Variants in CNTN4 observed in about 807,000 individuals in gnomAD.
The protein encoded by CNTN4 is contactin-4.
In CNTN4, 77 loss-of-function variants were observed where a neutral mutation model predicts 122.5. That is an observed-to-expected ratio of 0.63 (90% CI 0.52 to 0.76). CNTN4 has a LOEUF of 0.76. CNTN4 is among the 30% of genes least tolerant of loss of function. The probability of loss-of-function intolerance (pLI) is 0.00; values close to 1 mark genes in which losing one functional copy is unlikely to be tolerated. For missense variants in CNTN4, 1,256 were observed against 1,259.1 expected (o/e 1.00, Z 0.04); for synonymous variants, 512 against 447.0 (o/e 1.15, Z -1.83).
chr3:2,170,167 A>T (rs1329103319), intron 2 of CNTN4, among the ~76,000 whole-genome samples: 3 of 144,320 alleles, frequency 2.1e-5, no homozygotes, highest in South Asian at 2.1e-4. Flanking sequence ...TAAAAATACA[A>T]AAAATTAGCC....
intron 7 of CNTN4, among the ~76,000 whole-genome samples, chr3:2,837,635 C>T (rs2093257706): frequency 6.6e-6 from 1 of 152,200 alleles, no homozygotes; most frequent in Non-Finnish European, 1.5e-5. Context: ...AGGGGGAGTG[C>T]ATTATGCTAA....
chr3:2,699,393 T>G (rs950213289), intron 4 of CNTN4, among the ~76,000 whole-genome samples: 2 of 152,236 alleles, frequency 1.3e-5, no homozygotes, highest in Non-Finnish European at 2.9e-5. Flanking sequence ...AGACTAGATC[T>G]GTGCCCCCGA....
intron 13 of CNTN4, among the ~76,000 whole-genome samples, chr3:2,981,199 CTT>C (rs1559748161): frequency 6.6e-6 from 1 of 152,110 alleles, no homozygotes; most frequent in African/African-American, 2.4e-5. Flanking sequence ...AGTACCAGCA[CTT>C]TGGCAGGCCG....
intron 7 of CNTN4, among the ~76,000 whole-genome samples, chr3:2,825,308 C>T (rs1247881189): frequency 2.0e-5 from 3 of 152,092 alleles, no homozygotes; most frequent in Non-Finnish European, 2.9e-5. Flanking sequence ...TCACTGCAAC[C>T]TCCGCCTCCC....
chr3:2,184,274 A>G lies in CNTN4; in HGVS notation c.-145+83635A>G, dbSNP rs1445055486. ...GGTTGGAATTTTACAGGAGTGAGCC[A>G]CCACACCAGCCTGAAATTTTCATTA... On this transcript the variant is annotated intron_variant, in intron 2 of 24. Coordinates refer to ENST00000418658, the MANE Select transcript of CNTN4 (RefSeq NM_175607.3). Among the ~76,000 whole-genome samples the G allele has an allele frequency of 2.0e-5, 3 of 152,180 alleles. 1 individual carries two copies. Among genetic ancestry groups the G allele is most frequent in the African/African-American group, 7.2e-5 (3 of 41,456 alleles).
In CNTN4 at chr3:2,491,854, A is replaced by T. The variant is rs562473188; in HGVS notation, c.-88-79562A>T. ...AGACTGCCTGCCGTGGTTTTATTGC[A>T]GTCTGGTGCTTTACACCACTTTCTT... On this transcript the variant is annotated intron_variant, in intron 3 of 24. Transcript: ENST00000418658. 1.2e-4 allele frequency among the ~76,000 whole-genome samples: 19 copies of T among 152,290 alleles called. No individual in the cohort carries two copies. In the South Asian group the frequency reaches 3.9e-3, roughly 32 times the overall value.
At chr3:2,767,760 A>C (rs1398693054) in intron 6 of CNTN4, among the ~76,000 whole-genome samples, 2 of 152,186 alleles carry the variant, frequency 1.3e-5, no homozygotes. Context: ...CAAAGTCTCT[A>C]ATGGAAGTTC....
chr3:2,988,012 G>T (rs1694734434), intron 13 of CNTN4, among the ~76,000 whole-genome samples: 1 of 152,116 alleles, frequency 6.6e-6, no homozygotes, highest in Admixed American at 6.5e-5. Flanking sequence ...AAGACTAATG[G>T]TGATCTACCG....
intron 2 of CNTN4, among the ~76,000 whole-genome samples, chr3:2,232,192 G>T (rs1003589894): frequency 5.9e-5 from 9 of 151,924 alleles, no homozygotes; most frequent in African/African-American, 1.9e-4. Flanking sequence ...CAGAAATTGT[G>T]CTTATTTTTA....
Position 3,043,576 on chromosome 3 carries a change from C to A in CNTN4, c.2699-16C>A, listed in dbSNP as rs1461559540. The A allele has an allele frequency of 6.4e-7, 1 of 1,568,132 alleles. No homozygotes were observed. The highest frequency in any genetic ancestry group is 8.8e-7 in the Non-Finnish European group (1 of 1,138,206). On this transcript the variant is annotated splice_polypyrimidine_tract_variant and intron_variant, in intron 22 of 24. Coordinates refer to ENST00000418658, the MANE Select transcript of CNTN4 (RefSeq NM_175607.3). ...CTTAATAATCTGTGACTTCGTATAT[C>A]TTAATTTTTTTATAGCACCAAGTCA... is the stretch of plus-strand genomic sequence containing the variant.
At chr3:2,369,221 C>T (rs1438112373) in intron 3 of CNTN4, among the ~76,000 whole-genome samples, 1 of 152,146 alleles carries the variant, frequency 6.6e-6, no homozygotes, top group Admixed American at 6.5e-5. Context: ...CCACACCTGG[C>T]CCCAAAATTG....
chr3:2,205,713 A>G (rs568864360), intron 2 of CNTN4, among the ~76,000 whole-genome samples: 2 of 152,112 alleles, frequency 1.3e-5, no homozygotes, highest in Admixed American at 6.6e-5. Flanking sequence ...TTTGAGTCCA[A>G]TAAGCATACT....
At chr3:2,183,697 A>T (rs2037122152) in intron 2 of CNTN4, among the ~76,000 whole-genome samples, 1 of 152,176 alleles carries the variant, frequency 6.6e-6, no homozygotes, top group South Asian at 2.1e-4. Context: ...GCAAGAGAAC[A>T]GCTCTTTGAT....
chr3:3,005,318 C>T, intron 14 of CNTN4, among the ~76,000 whole-genome samples: 1 of 152,118 alleles, frequency 6.6e-6, no homozygotes, highest in East Asian at 1.9e-4. Context: ...ATTTCTACTT[C>T]CTTTTTGCTT....
chr3:2,623,526 C>T (rs1003378492), intron 4 of CNTN4, among the ~76,000 whole-genome samples: 5 of 152,140 alleles, frequency 3.3e-5, no homozygotes, highest in African/African-American at 1.2e-4. Flanking sequence ...GATAGGTAAA[C>T]ATAAATCAGG....
chr3:2,463,377 A>T (rs1559575368), intron 3 of CNTN4, among the ~76,000 whole-genome samples: 1 of 152,234 alleles, frequency 6.6e-6, no homozygotes. Flanking sequence ...ATCAAAGTTA[A>T]ATGGACACAG....
At chr3:2,394,784 GTTTTT>G (rs56027529) in intron 3 of CNTN4, among the ~76,000 whole-genome samples, 2 of 108,516 alleles carry the variant, frequency 1.8e-5, no homozygotes, top group East Asian at 2.9e-4. Flanking sequence ...CCTTATATTA[GTTTTT>G]TTTTTTTTTT....
chr3:2,812,177 A>G (rs2092629279), intron 6 of CNTN4, among the ~76,000 whole-genome samples: 1 of 152,174 alleles, frequency 6.6e-6, no homozygotes, highest in African/African-American at 2.4e-5. Context: ...AATGGGTACT[A>G]GGCTTAATAC....
intron 2 of CNTN4, among the ~76,000 whole-genome samples, chr3:2,286,248 A>G (rs576846070): frequency 1.4e-5 from 1 of 74,046 alleles, no homozygotes; most frequent in South Asian, 5.8e-4. Context: ...CCCCCCCACA[A>G]CATACACATA....
Sources: allele counts gnomAD v4.1 joint callset (sites outside exome capture counted in the v4.1 genomes callset), GRCh38; gene constraint gnomAD v4.1.1; transcripts MANE v1.5; gene names NCBI Gene and HGNC (gene_info 2026-07-23, HGNC 2026-07-21).